SHOX: variants seen among roughly 807,000 people sequenced by gnomAD.
The protein encoded by SHOX is short stature homeobox protein.
In SHOX, 12 loss-of-function variants were observed where a neutral mutation model predicts 29.6. The ratio of observed to expected loss-of-function variants is 0.41; its 90% CI spans 0.26 to 0.66. SHOX has a LOEUF of 0.66. Among genes scored for constraint, SHOX ranks in the 30% least tolerant of loss-of-function variants. The pLI is 0.35. For synonymous variants in SHOX, 214 were observed against 200.6 expected (o/e 1.07, Z -0.57); for missense variants, 499 against 437.7 (o/e 1.14, Z -1.25).
intron 2 of SHOX, among the ~76,000 whole-genome samples, chrX:637,890 C>T (rs1463833577): frequency 6.6e-6 from 1 of 152,118 alleles, no homozygotes; most frequent in Non-Finnish European, 1.5e-5. Context: ...TGCTGATTAA[C>T]CTTTTATTTT....
rs1251556271 is a variant in SHOX at position 648,391 on chromosome X, AT to A, written c.*3762del. On this transcript the variant is annotated 3_prime_UTR_variant, in exon 5 of 5. Coordinates refer to ENST00000686671, the MANE Select transcript of SHOX (RefSeq NM_000451.4). ...AGGCACCTGCCACCAGGCCTGGGTA[AT>A]TTTTTTGCATTTTTGGTAGAGACAG... Among the ~76,000 whole-genome samples, 1 of 152,054 alleles carries A rather than the reference AT, an allele frequency of 6.6e-6. No homozygotes were observed. Among genetic ancestry groups the A allele is most frequent in the Non-Finnish European group, 1.5e-5 (1 of 68,024 alleles).
upstream of SHOX, among the ~76,000 whole-genome samples, chrX:626,585 G>C (rs1169719798): frequency 8.6e-5 from 2 of 23,194 alleles, no homozygotes; most frequent in African/African-American, 3.8e-4. Context: ...CTGTATCTCT[G>C]TCTGTCTCTG....
upstream of SHOX, among the ~76,000 whole-genome samples, chrX:628,126 T>TGTGTC (rs58515457): frequency 9.2e-5 from 14 of 151,908 alleles, no homozygotes; most frequent in South Asian, 4.2e-4. Context: ...TCTTTGTCTC[T>TGTGTC]CTCTGTATCT....
chrX:644,046 G>T (rs1413796979), intron 4 of SHOX, among the ~76,000 whole-genome samples: 1 of 151,590 alleles, frequency 6.6e-6, no homozygotes, highest in Non-Finnish European at 1.5e-5. Flanking sequence ...ACGGGGGCTG[G>T]TTGGGGGAGA....
At chrX:631,345 G>T in intron 1 of SHOX, 171 bp downstream of exon 1, 1 of 368,430 alleles carries the variant, frequency 2.7e-6, no homozygotes, top group Non-Finnish European at 3.8e-6. Flanking sequence ...GGCAGGAGTG[G>T]ACCCGACCGG....
upstream of SHOX, among the ~76,000 whole-genome samples, chrX:627,818 C>A (rs1387145850): frequency 6.6e-6 from 1 of 152,104 alleles, no homozygotes; most frequent in Non-Finnish European, 1.5e-5. Context: ...ACGGGACCCC[C>A]CAGGAAAGCC....
intron 2 of SHOX, 31 bp downstream of exon 2, chrX:634,857 C>G (rs771084093): frequency 3.9e-5 from 60 of 1,543,974 alleles, no homozygotes; most frequent in Non-Finnish European, 4.9e-5. Context: ...GCGGGGGGCC[C>G]GGAGCCATCG....
chrX:630,624 T>C, upstream of SHOX: 1 of 575,652 alleles, frequency 1.7e-6, no homozygotes, highest in Middle Eastern at 4.6e-4. Context: ...CAAACAGTGA[T>C]GAAATGAGAA....
upstream of SHOX, among the ~76,000 whole-genome samples, chrX:626,897 TTC>T (rs1280445626): frequency 2.6e-5 from 4 of 151,060 alleles, no homozygotes; most frequent in African/African-American, 4.9e-5. Flanking sequence ...CTGTCTCTTT[TTC>T]TCTGTCTCTC....
chrX:626,344 G>C (rs2052532734), upstream of SHOX, among the ~76,000 whole-genome samples: 1 of 105,160 alleles, frequency 9.5e-6, no homozygotes, highest in African/African-American at 3.8e-5. Flanking sequence ...CTGTATCTCT[G>C]TCTATCTCTG....
At chrX:639,203 A>G (rs1483061832) in intron 2 of SHOX, among the ~76,000 whole-genome samples, 1 of 152,216 alleles carries the variant, frequency 6.6e-6, no homozygotes, top group African/African-American at 2.4e-5. Context: ...ATTGCACTCA[A>G]CTTCTTGATA....
chrX:634,642 G>C lies in SHOX; in HGVS notation c.302G>C (p.Arg101Pro). 1 of 1,613,840 alleles carries C rather than the reference G, an allele frequency of 6.2e-7. No individual in the cohort carries two copies. The highest frequency in any genetic ancestry group is 8.5e-7 in the Non-Finnish European group (1 of 1,179,878). The change falls in exon 2 of 5, where the codon CGC becomes CCC. Residue 101 changes from arginine (R) to proline (P), a missense_variant. Coordinates refer to ENST00000686671, the MANE Select transcript of SHOX (RefSeq NM_000451.4). ...GGGATTTATGAATGCAAAGAGAAGC[G>C]CGAGGACGTGAAGTCGGAGGACGAG... is the stretch of plus-strand genomic sequence containing the variant. ...AEGIYECKEKREDVKSEDEDG... is the reference protein window; with the variant it reads ...AEGIYECKEKPEDVKSEDEDG...
rs1258978346 is a variant in SHOX, at chrX:646,909, C to T, written c.*2273C>T. 6.6e-6 allele frequency: 1 copy of T among 151,120 alleles called. No homozygotes were observed. The highest frequency in any genetic ancestry group is 1.5e-5 in the Non-Finnish European group (1 of 67,884). The allele number at this position is 151,120 out of a possible 1,614,324, so 9.4% of individuals were successfully genotyped here. On this transcript the variant is annotated 3_prime_UTR_variant, in exon 5 of 5. Transcript: ENST00000686671. Reference sequence around the variant, plus strand: ...GGTTCATTCATCAGAGTATGTAACCCTTTGGAAAAGTGGTTGGTAAGATAT... The same window carrying T: ...GGTTCATTCATCAGAGTATGTAACCTTTTGGAAAAGTGGTTGGTAAGATAT...
In SHOX at chrX:658,742, C is replaced by T. The variant is rs187931525; in HGVS notation, c.634-43C>T. 2,025 of 358,344 alleles carry T rather than the reference C, an allele frequency of 5.7e-3. 45 individuals are homozygous for T. Among genetic ancestry groups the T allele is most frequent in the Admixed American group, 0.036 (1,270 of 35,506 alleles). The allele number at this position is 358,344 out of a possible 1,614,324, so 22.2% of individuals were successfully genotyped here. On this transcript the variant is annotated intron_variant, in intron 5 of 5. Coordinates refer to the SHOX transcript ENST00000334060. ...GCCTCAGCCTCCCAAAGTGCTGGGA[C>T]TACAGGCGTGAGCCACTGCACTTGG...
chrX:658,420 T>C (rs1290740997), intron 5 of SHOX, among the ~76,000 whole-genome samples: 1 of 152,130 alleles, frequency 6.6e-6, no homozygotes, highest in Non-Finnish European at 1.5e-5. Context: ...TTAGTATTTT[T>C]TGTAGCAGTT....
chrX:654,512 A>G (rs2053110284), downstream of SHOX, among the ~76,000 whole-genome samples: 3 of 151,384 alleles, frequency 2.0e-5, no homozygotes, highest in South Asian at 7.5e-4. Flanking sequence ...AAAGGCTATA[A>G]AAAATTGAAT....
At chrX:630,770 T>A, upstream of SHOX, 1 of 1,194,368 alleles carries the variant, frequency 8.4e-7, no homozygotes, top group Admixed American at 1.9e-5. Flanking sequence ...GTATAAATAG[T>A]GAGATTTCCA....
At chrX:651,966 CCGG>C (rs1170300055), downstream of SHOX, among the ~76,000 whole-genome samples, 4 of 151,998 alleles carry the variant, frequency 2.6e-5, no homozygotes, top group African/African-American at 4.8e-5. Context: ...GTCGCCCAGG[CCGG>C]AGGAGTGCAG....
At position 644,800 on chromosome X, in the gene SHOX, C is replaced by G. The variant is rs1166842057; in HGVS notation, c.*164C>G. ...GCCTGAGGAGGGAGGCTCCCGGGAC[C>G]GTCCACGCACGACCCAGCCAGACCC... On this transcript the variant is annotated 3_prime_UTR_variant, in exon 5 of 5. Transcript: ENST00000686671. 3.2e-6 allele frequency: 3 copies of G among 925,502 alleles called. No individual in the cohort carries two copies. Among genetic ancestry groups the G allele is most frequent in the Admixed American group, 4.3e-5 (1 of 23,430 alleles). The allele number at this position is 925,502 out of a possible 1,614,324, so 57.3% of individuals were successfully genotyped here.
Sources: gnomAD v4.1 joint callset for allele counts (sites outside exome capture counted in the v4.1 genomes callset) on GRCh38, gnomAD v4.1.1 for gene constraint, MANE v1.5 for transcripts, NCBI Gene and HGNC (gene_info 2026-07-23, HGNC 2026-07-21) for gene names.